ARHGAP39: variants seen among roughly 807,000 people sequenced by gnomAD.
ARHGAP39 encodes Rho GTPase activating protein 39.
ARHGAP39 carries 44 observed loss-of-function variants against 106.9 expected under a neutral mutation model. The observed-to-expected ratio is 0.41, with a 90% CI of 0.32 to 0.53. The LOEUF (loss-of-function observed/expected upper bound fraction) is 0.53, where lower values mean the gene tolerates loss of function less well. Among genes scored for constraint, ARHGAP39 ranks in the 20% least tolerant of loss-of-function variants. ARHGAP39 has a pLI of 0.21. For synonymous variants in ARHGAP39, 768 were observed against 693.2 expected (o/e 1.11, Z -1.69); for missense variants, 1,496 against 1,577.3 (o/e 0.95, Z 0.87).
chr8:144,588,114 G>A (rs1388054073), intron 2 of ARHGAP39, among the ~76,000 whole-genome samples: 1 of 152,238 alleles, frequency 6.6e-6, no homozygotes, highest in South Asian at 2.1e-4. Flanking sequence ...TGCTGGCAGG[G>A]ACACGGGTTG....
chr8:144,684,049 C>T lies in ARHGAP39; in HGVS notation c.-82+1637G>A, dbSNP rs1000428450. On this transcript the variant is annotated intron_variant, in intron 1 of 11. Coordinates refer to ENST00000377307, the MANE Select transcript of ARHGAP39 (RefSeq NM_025251.3). The surrounding 1 kb of genome is among the most constrained non-coding windows in gnomAD (Gnocchi z 4.4). ...GAAGCCAAAGGCACAGAGACCTTGC[C>T]GAAGACCACAAAGCCAGTAAACAGA... 2.6e-5 allele frequency among the ~76,000 whole-genome samples: 4 copies of T among 152,136 alleles called. No homozygotes were observed. Among genetic ancestry groups the T allele is most frequent in the East Asian group, 3.9e-4 (2 of 5,194 alleles).
Position 144,641,915 on chromosome 8 carries a change from C to T in ARHGAP39, c.-81-36220G>A, listed in dbSNP as rs560900806. Among the ~76,000 whole-genome samples the T allele has an allele frequency of 3.3e-5, 5 of 152,344 alleles. No individual in the cohort carries two copies. In the South Asian group the frequency reaches 6.2e-4, roughly 19 times the overall value. ...ACCCACTACCTCATCCTTGGCCCCTCGGCATACCCACCTGCAAATCCAAAC... is the reference window on the plus strand; with the variant it reads ...ACCCACTACCTCATCCTTGGCCCCTTGGCATACCCACCTGCAAATCCAAAC... On this transcript the variant is annotated intron_variant, in intron 1 of 11. Transcript: ENST00000377307. This position sits in a 1 kb window ranked among gnomAD's most constrained non-coding sequence, Gnocchi z 5.2.
In ARHGAP39 at chr8:144,580,860, C is replaced by T; in HGVS notation, c.498G>A (p.Lys166=). 6.4e-7 allele frequency: 1 copy of T among 1,567,718 alleles called. No homozygotes were observed. Among genetic ancestry groups the T allele is most frequent in the East Asian group, 2.2e-5 (1 of 44,504 alleles). Residue 166 remains lysine (K), a synonymous_variant, in exon 3 of 12, where the codon AAG becomes AAA. Coordinates refer to ENST00000377307, the MANE Select transcript of ARHGAP39 (RefSeq NM_025251.3). ...AGRPAAFGTV[K]EDSGSSSPPG... ...CCCGCCCTCACCTGCCGCTGTCCTC[C>T]TTCACTGTCCCAAACGCCGCGGGCC...
intron 1 of ARHGAP39, among the ~76,000 whole-genome samples, chr8:144,682,859 A>C (rs891046258): frequency 6.6e-6 from 1 of 151,820 alleles, no homozygotes; most frequent in Non-Finnish European, 1.5e-5. Flanking sequence ...ACAAAACCGA[A>C]CAAAAAAATT....
In ARHGAP39 at chr8:144,547,021, G is replaced by C. The variant is rs1817455242; in HGVS notation, c.1959+106C>G. ...ACGGGGCTTCAGAACTCTGCGTGCT[G>C]CGTGCACGCCCTGGACGCCAGGTCT... On this transcript the variant is annotated intron_variant, in intron 5 of 11. Transcript: ENST00000377307. The surrounding 1 kb of genome is among the most constrained non-coding windows in gnomAD (Gnocchi z 5.2). The C allele has an allele frequency of 6.0e-6, 8 of 1,337,458 alleles. No homozygotes were observed. Among genetic ancestry groups the C allele is most frequent in the African/African-American group, 1.5e-5 (1 of 66,956 alleles). 82.8% of individuals were successfully genotyped at this position (1,337,458 alleles called of 1,614,324 possible).
chr8:144,530,979 G>A (rs555902795), intron 10 of ARHGAP39, 108 bp from the exon 11 acceptor site: 1 of 1,396,480 alleles, frequency 7.2e-7, no homozygotes, highest in Non-Finnish European at 9.6e-7. Flanking sequence ...GACAGGCTGG[G>A]AGGGCCGGCT....
intron 2 of ARHGAP39, among the ~76,000 whole-genome samples, chr8:144,588,441 G>C (rs1476024911): frequency 6.6e-6 from 1 of 152,262 alleles, no homozygotes; most frequent in African/African-American, 2.4e-5. Context: ...TTCAGAGGAA[G>C]AGAAATGTGC....
At chr8:144,680,872 C>T (rs1017772737) in intron 1 of ARHGAP39, among the ~76,000 whole-genome samples, 6 of 152,128 alleles carry the variant, frequency 3.9e-5, no homozygotes, top group African/African-American at 1.4e-4. Flanking sequence ...GAGGGGGGTG[C>T]TATTTCATGT....
intron 3 of ARHGAP39, 79 bp downstream of exon 3, chr8:144,580,766 CA>C (rs1818944892): frequency 2.9e-5 from 5 of 170,688 alleles, no homozygotes; most frequent in South Asian, 8.9e-5. Flanking sequence ...TGGCCCCGCC[CA>C]CCACCCCCTA....
At chr8:144,545,916 C>T (rs1817400725) in intron 5 of ARHGAP39, 106 bp from the exon 6 acceptor site, 4 of 1,002,344 alleles carry the variant, frequency 4.0e-6, no homozygotes, top group Non-Finnish European at 5.7e-6. Flanking sequence ...CCCACCAGAG[C>T]CAGCCAGGTG....
rs751423751 is a variant in ARHGAP39, at chr8:144,585,113, C to A, written c.81-3836G>T. Among the ~76,000 whole-genome samples the A allele has an allele frequency of 3.9e-5, 6 of 152,274 alleles. No homozygotes were observed. The highest frequency in any genetic ancestry group is 3.3e-4 in the Admixed American group (5 of 15,310). On this transcript the variant is annotated intron_variant, in intron 2 of 11. Coordinates refer to ENST00000377307, the MANE Select transcript of ARHGAP39 (RefSeq NM_025251.3). The surrounding 1 kb of genome is among the most constrained non-coding windows in gnomAD (Gnocchi z 4.6). ...CGTCCAGGTGTCTGAAGGGCTTAGACGCCCTCTCCCGATTGGCCCTGTGTC... is the reference window on the plus strand; with the variant it reads ...CGTCCAGGTGTCTGAAGGGCTTAGAAGCCCTCTCCCGATTGGCCCTGTGTC...
chr8:144,672,786 G>A (rs1822130348), intron 1 of ARHGAP39, among the ~76,000 whole-genome samples: 1 of 152,180 alleles, frequency 6.6e-6, no homozygotes, highest in Non-Finnish European at 1.5e-5. Flanking sequence ...AGCAGGACAA[G>A]CATCTTATCT....
the ARHGAP39 span, among the ~76,000 whole-genome samples, chr8:144,698,009 G>A: frequency 8.5e-4 from 130 of 152,272 alleles, no homozygotes; most frequent in Middle Eastern, 3.4e-3. Context: ...GGCGTGTTAA[G>A]CTTCGCTATG....
chr8:144,634,094 G>A (rs1388229530), intron 1 of ARHGAP39, among the ~76,000 whole-genome samples: 1 of 152,270 alleles, frequency 6.6e-6, no homozygotes, highest in Non-Finnish European at 1.5e-5. Context: ...CTGAGCCACT[G>A]GGCTCCCGGG....
intron 4 of ARHGAP39, among the ~76,000 whole-genome samples, chr8:144,551,478 C>T (rs924180018): frequency 1.3e-5 from 2 of 152,146 alleles, no homozygotes; most frequent in Non-Finnish European, 2.9e-5. Context: ...GCTGGGCACC[C>T]GAGTCACAGA....
At chr8:144,639,400 T>C (rs1821255631) in intron 1 of ARHGAP39, among the ~76,000 whole-genome samples, 1 of 151,814 alleles carries the variant, frequency 6.6e-6, no homozygotes, top group Admixed American at 6.6e-5. Context: ...ATTTCATTTC[T>C]ATCACAAAAA....
At chr8:144,568,766 A>T (rs1416006140) in intron 3 of ARHGAP39, among the ~76,000 whole-genome samples, 1 of 152,194 alleles carries the variant, frequency 6.6e-6, no homozygotes, top group Non-Finnish European at 1.5e-5. Context: ...AATATAAGAT[A>T]ATACATAAAC....
Position 144,671,501 on chromosome 8 carries a change from C to T in ARHGAP39, c.-82+14185G>A, listed in dbSNP as rs1311249303. Among the ~76,000 whole-genome samples the T allele has an allele frequency of 1.3e-5, 2 of 152,200 alleles. No individual in the cohort carries two copies. The highest frequency in any genetic ancestry group is 2.9e-5 in the Non-Finnish European group (2 of 68,040). ...CACGCTGCAAACACCACCCTCCCAC[C>T]TGCTCCCTGACCCCCAGATGCCTGC... On this transcript the variant is annotated intron_variant, in intron 1 of 11. Coordinates refer to ENST00000377307, the MANE Select transcript of ARHGAP39 (RefSeq NM_025251.3). The surrounding 1 kb of genome is among the most constrained non-coding windows in gnomAD (Gnocchi z 4.5).
the ARHGAP39 span, among the ~76,000 whole-genome samples, chr8:144,699,568 T>C: frequency 6.2e-5 from 8 of 128,816 alleles, no homozygotes; most frequent in South Asian, 2.5e-4. Flanking sequence ...TGTGGGAGGC[T>C]TAGGGGGCTG....
Sources: allele counts gnomAD v4.1 joint callset (sites outside exome capture counted in the v4.1 genomes callset), GRCh38; gene constraint gnomAD v4.1.1; non-coding constraint Gnocchi (gnomAD v3.1); transcripts MANE v1.5; gene names NCBI Gene and HGNC (gene_info 2026-07-23, HGNC 2026-07-21).